Variants in CTNNA3 observed in about 807,000 individuals in gnomAD.
CTNNA3 encodes catenin alpha 3.
CTNNA3 carries 76 observed loss-of-function variants against 95.7 expected under a neutral mutation model. That is an observed-to-expected ratio of 0.79 (90% CI 0.66 to 0.96). The LOEUF (loss-of-function observed/expected upper bound fraction) is 0.96, where lower values mean the gene tolerates loss of function less well. Among genes scored for constraint, CTNNA3 ranks in the 40% least tolerant of loss-of-function variants. The pLI is 0.00. For synonymous variants in CTNNA3, 431 were observed against 374.4 expected (o/e 1.15, Z -1.74); for missense variants, 1,191 against 1,089.8 (o/e 1.09, Z -1.31).
chr10:67,168,169 T>C (rs77314684), intron 7 of CTNNA3, among the ~76,000 whole-genome samples: 11,375 of 152,088 alleles, frequency 0.075, 603 homozygotes, highest in African/African-American at 0.15. Context: ...ATTAAAAACA[T>C]CATGATGTAG....
intron 7 of CTNNA3, among the ~76,000 whole-genome samples, chr10:67,165,355 A>G (rs555174980): frequency 2.5e-4 from 38 of 152,186 alleles, no homozygotes; most frequent in Non-Finnish European, 5.0e-4. Flanking sequence ...GGCACGGGGC[A>G]GGGGCAGGTG....
At chr10:67,212,707 T>C (rs565196131) in intron 6 of CTNNA3, among the ~76,000 whole-genome samples, 23 of 152,090 alleles carry the variant, frequency 1.5e-4, no homozygotes, top group South Asian at 1.0e-3. Context: ...GATTATTATA[T>C]AGTTTTTCTC....
At chr10:66,654,671 A>G (rs962835395) in intron 9 of CTNNA3, among the ~76,000 whole-genome samples, 1 of 152,110 alleles carries the variant, frequency 6.6e-6, no homozygotes, top group African/African-American at 2.4e-5. Context: ...TCCTCACAGC[A>G]TTATTCACAA....
intron 5 of CTNNA3, among the ~76,000 whole-genome samples, chr10:67,222,455 G>C (rs1864706359): frequency 6.6e-6 from 1 of 152,154 alleles, no homozygotes; most frequent in Admixed American, 6.5e-5. Flanking sequence ...TCACAAGATT[G>C]AGTACATAGC....
chr10:67,183,267 T>C (rs950415826), intron 6 of CTNNA3, among the ~76,000 whole-genome samples: 16 of 152,224 alleles, frequency 1.1e-4, no homozygotes, highest in African/African-American at 3.6e-4. Flanking sequence ...CTATTCACAA[T>C]AGCAAAGACG....
rs181580207 is a variant in CTNNA3, at chr10:67,107,430, C to T, written c.1047+72887G>A. Among the ~76,000 whole-genome samples the T allele has an allele frequency of 1.4e-3, 218 of 152,216 alleles. No homozygotes were observed. In the Middle Eastern group the frequency reaches 0.02, roughly 14 times the overall value. On this transcript the variant is annotated intron_variant, in intron 7 of 17. Coordinates refer to ENST00000433211, the MANE Select transcript of CTNNA3 (RefSeq NM_013266.4). ...TTCATACAACATTTTGAAGACTGATCCAGGCAATGGCATTAATTTCAAATA... is the reference window on the plus strand; with the variant it reads ...TTCATACAACATTTTGAAGACTGATTCAGGCAATGGCATTAATTTCAAATA...
intron 16 of CTNNA3, among the ~76,000 whole-genome samples, chr10:65,978,378 T>C (rs1169200993): frequency 1.3e-5 from 2 of 152,130 alleles, no homozygotes; most frequent in Non-Finnish European, 2.9e-5. Context: ...GAATGTTTCC[T>C]CTTAGATTTT....
chr10:67,145,657 C>T (rs1860804199), intron 7 of CTNNA3, among the ~76,000 whole-genome samples: 3 of 152,072 alleles, frequency 2.0e-5, no homozygotes, highest in Admixed American at 2.0e-4. Flanking sequence ...TCTAGAACTC[C>T]TGACCTCGTG....
chr10:67,090,985 CA>C (rs1857597294), intron 7 of CTNNA3, among the ~76,000 whole-genome samples: 1 of 152,014 alleles, frequency 6.6e-6, no homozygotes, highest in African/African-American at 2.4e-5. Flanking sequence ...ACAAAATTTT[CA>C]AGCTGGGAGT....
intron 7 of CTNNA3, among the ~76,000 whole-genome samples, chr10:66,817,111 G>T (rs1240092638): frequency 6.6e-6 from 1 of 151,908 alleles, no homozygotes; most frequent in African/African-American, 2.4e-5. Flanking sequence ...TTATCTTAGG[G>T]TACAGTGTAT....
chr10:66,957,603 C>A (rs1467755430), intron 7 of CTNNA3, among the ~76,000 whole-genome samples: 1 of 151,726 alleles, frequency 6.6e-6, no homozygotes, highest in East Asian at 1.9e-4. Flanking sequence ...AGTCTGGATT[C>A]TGTCAGGAAA....
At chr10:66,119,159 G>T (rs1243793047) in intron 13 of CTNNA3, among the ~76,000 whole-genome samples, 1 of 152,170 alleles carries the variant, frequency 6.6e-6, no homozygotes, top group Non-Finnish European at 1.5e-5. Flanking sequence ...TACCTACTAT[G>T]TATGAAGTAC....
At chr10:67,750,616 C>T in intron 1 of CTNNA3, 1 of 1,550,446 alleles carries the variant, frequency 6.4e-7, no homozygotes. Context: ...ATCTTATTCA[C>T]TAGCACAGGG....
intron 7 of CTNNA3, among the ~76,000 whole-genome samples, chr10:66,990,177 CT>C (rs1850966346): frequency 6.6e-6 from 1 of 152,108 alleles, no homozygotes; most frequent in Non-Finnish European, 1.5e-5. Context: ...GTTGAATCTG[CT>C]TCATGAACCA....
intron 9 of CTNNA3, among the ~76,000 whole-genome samples, chr10:66,674,237 T>A (rs1846766864): frequency 6.6e-6 from 1 of 152,102 alleles, no homozygotes; most frequent in Non-Finnish European, 1.5e-5. Context: ...TTTTTATTGA[T>A]AGCTGTTGTG....
intron 7 of CTNNA3, among the ~76,000 whole-genome samples, chr10:67,006,888 G>A (rs73326908): frequency 0.01 from 1,580 of 152,104 alleles, 27 homozygotes; most frequent in African/African-American, 0.035. Context: ...CTACTTCCCG[G>A]GTTCAAGGCA....
At chr10:66,223,445 C>T (rs1341188090) in intron 13 of CTNNA3, among the ~76,000 whole-genome samples, 1 of 152,186 alleles carries the variant, frequency 6.6e-6, no homozygotes, top group Non-Finnish European at 1.5e-5. Flanking sequence ...CTACGTTCAT[C>T]GTTCAAAGGC....
At chr10:66,771,569 C>T (rs1465176786) in intron 8 of CTNNA3, among the ~76,000 whole-genome samples, 1 of 152,096 alleles carries the variant, frequency 6.6e-6, no homozygotes, top group Admixed American at 6.6e-5. Context: ...AATCCCTAGC[C>T]CCTGGTGTGG....
intron 5 of CTNNA3, among the ~76,000 whole-genome samples, chr10:67,228,776 G>A (rs758829509): frequency 6.6e-6 from 1 of 152,216 alleles, no homozygotes; most frequent in South Asian, 2.1e-4. Context: ...AAATCGGTAA[G>A]AATTAGATAC....
Sources: gnomAD v4.1 joint callset for allele counts (sites outside exome capture counted in the v4.1 genomes callset) on GRCh38, gnomAD v4.1.1 for gene constraint, MANE v1.5 for transcripts, NCBI Gene and HGNC (gene_info 2026-07-23, HGNC 2026-07-21) for gene names.